The following TANC2 variants were observed in gnomAD, a reference collection of about 807,000 sequenced individuals.
TANC2 encodes tetratricopeptide repeat, ankyrin repeat and coiled-coil containing 2.
TANC2 carries 26 observed loss-of-function variants against 210.5 expected under a neutral mutation model. The observed-to-expected ratio is 0.12, with a 90% CI of 0.09 to 0.17. TANC2 has a LOEUF of 0.17. TANC2 is among the 10% of genes least tolerant of loss of function. The probability of loss-of-function intolerance (pLI) is 1.00; values close to 1 mark genes in which losing one functional copy is unlikely to be tolerated. For missense variants in TANC2, 2,129 were observed against 2,608.9 expected, an observed-to-expected ratio of 0.82 and a Z score of 4.01; for synonymous variants, 931 against 967.1, an observed-to-expected ratio of 0.96 and a Z score of 0.69.
intron 7 of TANC2, among the ~76,000 whole-genome samples, chr17:63,202,064 G>T (rs79840743): frequency 6.6e-6 from 1 of 152,032 alleles, no homozygotes; most frequent in Non-Finnish European, 1.5e-5. Flanking sequence ...TTATAGTTAG[G>T]TATGGAGATA....
chr17:62,969,109 G>A (rs1273046646), intron 1 of TANC2, among the ~76,000 whole-genome samples: 1 of 152,030 alleles, frequency 6.6e-6, no homozygotes, highest in Non-Finnish European at 1.5e-5. Flanking sequence ...GAGTAGACCA[G>A]CACAGTTTAA....
intron 9 of TANC2, among the ~76,000 whole-genome samples, chr17:63,294,052 G>C (rs1403007296): frequency 1.3e-5 from 2 of 152,268 alleles, no homozygotes; most frequent in African/African-American, 4.8e-5. Context: ...TATAAGCCTA[G>C]ATATATAATT....
chr17:63,236,581 T>C (rs1291223847), intron 7 of TANC2, among the ~76,000 whole-genome samples: 1 of 152,084 alleles, frequency 6.6e-6, no homozygotes, highest in African/African-American at 2.4e-5. Context: ...GTCTGAGTTT[T>C]TTAGGATATT....
At chr17:63,024,999 G>A (rs754291445) in intron 2 of TANC2, among the ~76,000 whole-genome samples, 4 of 152,164 alleles carry the variant, frequency 2.6e-5, no homozygotes, top group Non-Finnish European at 5.9e-5. Flanking sequence ...GAAATACTTT[G>A]AGAAATTTGT....
chr17:63,220,071 G>C (rs1158609727), intron 7 of TANC2, among the ~76,000 whole-genome samples: 3 of 152,052 alleles, frequency 2.0e-5, no homozygotes, highest in African/African-American at 4.8e-5. Context: ...GAGGTGGGTG[G>C]ATCACCGGAG....
chr17:63,250,711 A>G (rs2043034167), intron 8 of TANC2, among the ~76,000 whole-genome samples: 1 of 152,190 alleles, frequency 6.6e-6, no homozygotes, highest in Non-Finnish European at 1.5e-5. Flanking sequence ...GCACTGTTCA[A>G]AGCACTTAAG....
intron 2 of TANC2, among the ~76,000 whole-genome samples, chr17:63,039,665 T>G (rs571847888): frequency 1.3e-4 from 20 of 152,298 alleles, no homozygotes; most frequent in African/African-American, 4.8e-4. Flanking sequence ...AGAGGTGAGT[T>G]TGCTACAGTG....
At chr17:63,425,079 A>G (rs1280805647) in exon 28 of TANC2, 2 of 152,214 alleles carry the variant, frequency 1.3e-5, no homozygotes, top group Non-Finnish European at 2.9e-5. Flanking sequence ...AGAATTTGGC[A>G]TGACAAAATG....
intron 2 of TANC2, among the ~76,000 whole-genome samples, chr17:63,072,645 T>G (rs2036437719): frequency 1.3e-5 from 2 of 152,082 alleles, no homozygotes; most frequent in Non-Finnish European, 2.9e-5. Flanking sequence ...TCTGACTAAA[T>G]TAGTGGAGTG....
chr17:63,283,281 T>TA (rs2044116144), intron 9 of TANC2, among the ~76,000 whole-genome samples: 1 of 152,008 alleles, frequency 6.6e-6, no homozygotes, highest in Non-Finnish European at 1.5e-5. Flanking sequence ...CATCCATAGA[T>TA]ATATAGTTCT....
chr17:63,300,312 C>A (rs1162989476), intron 9 of TANC2, among the ~76,000 whole-genome samples: 1 of 152,130 alleles, frequency 6.6e-6, no homozygotes, highest in Non-Finnish European at 1.5e-5. Context: ...TTTACCAATT[C>A]TGTGAAGAAT....
At chr17:63,084,955 G>A (rs1413728988) in intron 3 of TANC2, among the ~76,000 whole-genome samples, 2 of 152,120 alleles carry the variant, frequency 1.3e-5, no homozygotes, top group Non-Finnish European at 2.9e-5. Flanking sequence ...TTCTGCTGTT[G>A]TAATGTGAAG....
chr17:63,034,880 GTGTC>G (rs905945772), intron 2 of TANC2, among the ~76,000 whole-genome samples: 3 of 152,208 alleles, frequency 2.0e-5, no homozygotes, highest in Non-Finnish European at 4.4e-5. Flanking sequence ...GATGGAATCT[GTGTC>G]TGGTGAAGAT....
intron 4 of TANC2, among the ~76,000 whole-genome samples, chr17:63,122,710 C>T (rs2038534307): frequency 2.6e-5 from 4 of 152,054 alleles, no homozygotes; most frequent in African/African-American, 7.2e-5. Context: ...CCAGCCTGGG[C>T]GACAGAGTGA....
intron 7 of TANC2, among the ~76,000 whole-genome samples, chr17:63,212,680 C>T (rs1002411869): frequency 6.6e-6 from 1 of 152,208 alleles, no homozygotes; most frequent in African/African-American, 2.4e-5. Context: ...GATACTCCCA[C>T]TTCAGCCTCT....
intron 9 of TANC2, among the ~76,000 whole-genome samples, chr17:63,298,287 T>C (rs958350001): frequency 2.0e-5 from 3 of 152,134 alleles, no homozygotes; most frequent in Non-Finnish European, 4.4e-5. Context: ...TAGCCAAAGG[T>C]AGAAACAATC....
chr17:63,005,730 A>G (rs1286355913), intron 1 of TANC2, among the ~76,000 whole-genome samples: 1 of 152,008 alleles, frequency 6.6e-6, no homozygotes, highest in African/African-American at 2.4e-5. Context: ...CTCTTTTCTT[A>G]TAATATCTGT....
intron 14 of TANC2, among the ~76,000 whole-genome samples, chr17:63,361,571 G>A (rs1308313035): frequency 6.6e-6 from 1 of 152,236 alleles, no homozygotes; most frequent in African/African-American, 2.4e-5. Flanking sequence ...GTGGCACCTG[G>A]AAGCTTGGAG....
intron 5 of TANC2, among the ~76,000 whole-genome samples, chr17:63,186,146 T>A (rs1185931192): frequency 6.6e-6 from 1 of 152,186 alleles, no homozygotes; most frequent in Non-Finnish European, 1.5e-5. Flanking sequence ...CACCAATACT[T>A]GAAAACACTC....
Sources: gnomAD v4.1 joint callset for allele counts (sites outside exome capture counted in the v4.1 genomes callset) on GRCh38, gnomAD v4.1.1 for gene constraint, MANE v1.5 for transcripts, NCBI Gene and HGNC (gene_info 2026-07-23, HGNC 2026-07-21) for gene names.